The following TMEFF2 variants were observed in gnomAD, a reference collection of about 807,000 sequenced individuals.
The protein encoded by TMEFF2 is tomoregulin-2.
TMEFF2 carries 28 observed loss-of-function variants against 53.8 expected under a neutral mutation model. The observed-to-expected ratio is 0.52, with a 90% CI of 0.39 to 0.71. The LOEUF is 0.71. Ranked by LOEUF, TMEFF2 falls within the 30% of genes least tolerant of loss-of-function variation. The pLI is 0.00. For missense variants in TMEFF2, 353 were observed against 455.2 expected, an observed-to-expected ratio of 0.78 and a Z score of 2.04; for synonymous variants, 162 against 166.3, an observed-to-expected ratio of 0.97 and a Z score of 0.20.
chr2:192,054,151 G>A (rs1224423849), intron 5 of TMEFF2, among the ~76,000 whole-genome samples: 2 of 151,494 alleles, frequency 1.3e-5, no homozygotes, highest in African/African-American at 4.8e-5. Flanking sequence ...GCATCTTGGA[G>A]CTAATCTTGT....
chr2:192,057,696 T>C lies in TMEFF2; in HGVS notation c.519A>G (p.Glu173=). ...DICQFGAECD[E]DAEDVWCVCN... is the part of the protein sequence containing the mutation. ...CATATTACCAGACATCCTCGGCATC[T>C]TCGTCACATTCTGCACCAAACTGGC... The change falls in exon 5 of 10, where the codon GAA becomes GAG. Residue 173 remains glutamate (E), a synonymous_variant. Coordinates refer to ENST00000272771, the MANE Select transcript of TMEFF2 (RefSeq NM_016192.4). 6.2e-7 allele frequency: 1 copy of C among 1,614,020 alleles called. No individual in the cohort carries two copies. Among genetic ancestry groups the C allele is most frequent in the Non-Finnish European group, 8.5e-7 (1 of 1,179,876 alleles).
At chr2:192,063,359 A>G (rs1688093882) in intron 4 of TMEFF2, among the ~76,000 whole-genome samples, 1 of 151,824 alleles carries the variant, frequency 6.6e-6, no homozygotes, top group Non-Finnish European at 1.5e-5. Flanking sequence ...TCAAATGTAT[A>G]TTATTTTTAT....
At chr2:191,977,453 T>A (rs1685756823) in intron 7 of TMEFF2, among the ~76,000 whole-genome samples, 1 of 151,552 alleles carries the variant, frequency 6.6e-6, no homozygotes, top group Non-Finnish European at 1.5e-5. Context: ...CAGTAATGAA[T>A]TTTTTTTAAA....
intron 5 of TMEFF2, among the ~76,000 whole-genome samples, chr2:192,009,651 A>G (rs1686580694): frequency 6.6e-6 from 1 of 152,112 alleles, no homozygotes; most frequent in Non-Finnish European, 1.5e-5. Context: ...CCATGCTATA[A>G]TAAATATCAT....
intron 4 of TMEFF2, among the ~76,000 whole-genome samples, chr2:192,125,211 TTA>T (rs1689648903): frequency 6.6e-6 from 1 of 152,344 alleles, no homozygotes; most frequent in South Asian, 2.1e-4. Context: ...ATTTCCCTTC[TTA>T]TCTTACATCT....
intron 1 of TMEFF2, among the ~76,000 whole-genome samples, chr2:192,193,759 GAT>G (rs780309090): frequency 0.22 from 5,043 of 22,576 alleles, 343 homozygotes; most frequent in East Asian, 0.38. Context: ...GAGATAGATA[GAT>G]AGAGAGAGAG....
At chr2:192,132,646 G>A (rs1437398896) in intron 4 of TMEFF2, among the ~76,000 whole-genome samples, 2 of 152,092 alleles carry the variant, frequency 1.3e-5, no homozygotes, top group African/African-American at 4.8e-5. Context: ...CCAAACGCCT[G>A]AACTGCAGCG....
intron 4 of TMEFF2, among the ~76,000 whole-genome samples, chr2:192,093,080 C>T (rs930261636): frequency 1.3e-5 from 2 of 152,128 alleles, no homozygotes; most frequent in Non-Finnish European, 2.9e-5. Context: ...CTCCAGCTGG[C>T]CTTTGTTGGG....
chr2:192,180,552 T>C (rs1012819016), intron 3 of TMEFF2, among the ~76,000 whole-genome samples: 4 of 151,860 alleles, frequency 2.6e-5, no homozygotes, highest in African/African-American at 9.6e-5. Flanking sequence ...TATTTTAATG[T>C]TAATACAGGG....
rs1302266845 is a variant in TMEFF2, at chr2:192,184,258, AT to A, written c.412+95del. ...ATACGGCTTGTCTAGTCAACATATA[AT>A]CTGAATTATTTATTGGGAGATAACA... On this transcript the variant is annotated intron_variant, in intron 3 of 9. Coordinates refer to ENST00000272771, the MANE Select transcript of TMEFF2 (RefSeq NM_016192.4). 2.7e-6 allele frequency: 4 copies of A among 1,455,830 alleles called. No individual in the cohort carries two copies. In the African/African-American group the frequency reaches 5.6e-5, roughly 20 times the overall value. The allele number at this position is 1,455,830 out of a possible 1,614,324, so 90.2% of individuals were successfully genotyped here. A position where few individuals can be genotyped will look rare whatever the true frequency, so the allele number is the denominator to read the frequency against.
At chr2:191,998,493 G>T (rs1234640744) in intron 6 of TMEFF2, among the ~76,000 whole-genome samples, 172 bp from the exon 7 acceptor site, 2 of 151,884 alleles carry the variant, frequency 1.3e-5, no homozygotes, top group South Asian at 4.2e-4. Context: ...ATTTCTGTCT[G>T]AGAGCAAATA....
rs190538305 is a variant in TMEFF2 at position 192,055,085 on chromosome 2, A to C, written c.536+2594T>G. Among the ~76,000 whole-genome samples, 587 of 152,322 alleles carry C rather than the reference A, an allele frequency of 3.9e-3. 4 individuals are homozygous for C. The highest frequency in any genetic ancestry group is 0.014 in the African/African-American group (569 of 41,574). On this transcript the variant is annotated intron_variant, in intron 5 of 9. Coordinates refer to ENST00000272771, the MANE Select transcript of TMEFF2 (RefSeq NM_016192.4). ...AGAGACTCATGTACATTTTTTAAAA[A>C]GTGAAACAATTTATAAGAAAACAGC...
rs1286291409 is a variant in TMEFF2 at position 192,161,229 on chromosome 2, C to T, written c.439+18439G>A. Among the ~76,000 whole-genome samples the T allele has an allele frequency of 4.6e-5, 7 of 152,044 alleles. 1 individual carries two copies. The highest frequency in any genetic ancestry group is 7.2e-5 in the African/African-American group (3 of 41,404). ...TGTCACCCAGGCTGGAGTACAGTGG[C>T]GTGATCTTGGCTCAGTGCAACCTCC... On this transcript the variant is annotated intron_variant, in intron 4 of 9. Transcript: ENST00000272771.
rs759238306 is a variant in TMEFF2, at chr2:191,950,447, A to AT, written c.1029-41dup. 6 of 1,613,992 alleles carry AT rather than the reference A, an allele frequency of 3.7e-6. No homozygotes were observed. In the East Asian group the frequency reaches 1.3e-4, roughly 36 times the overall value. On this transcript the variant is annotated intron_variant, in intron 9 of 9. Coordinates refer to ENST00000272771, the MANE Select transcript of TMEFF2 (RefSeq NM_016192.4). ...AGTTTACAAATCTCAGTCCAATGCT[A>AT]TTACCTAAAGTTTGGCCCTACAATC...
intron 4 of TMEFF2, among the ~76,000 whole-genome samples, chr2:192,128,998 C>T (rs189783866): frequency 1.3e-5 from 2 of 152,298 alleles, no homozygotes; most frequent in African/African-American, 2.4e-5. Context: ...TTTTCAGTAG[C>T]CACACATTTC....
intron 4 of TMEFF2, among the ~76,000 whole-genome samples, chr2:192,098,642 A>G (rs1165361606): frequency 6.6e-6 from 1 of 152,190 alleles, no homozygotes; most frequent in African/African-American, 2.4e-5. Context: ...TGATAAAAGT[A>G]AAGTTTGAAA....
intron 4 of TMEFF2, among the ~76,000 whole-genome samples, chr2:192,166,237 T>G (rs1322725348): frequency 6.6e-6 from 1 of 152,198 alleles, no homozygotes; most frequent in Non-Finnish European, 1.5e-5. Flanking sequence ...CCTTGTCTTG[T>G]TCTTCTACCT....
intron 4 of TMEFF2, among the ~76,000 whole-genome samples, chr2:192,160,961 C>T (rs1286190831): frequency 6.6e-6 from 1 of 152,108 alleles, no homozygotes; most frequent in Admixed American, 6.5e-5. Flanking sequence ...AGTCATCACT[C>T]TGCCACGCTA....
chr2:192,059,359 C>G (rs1054676193), intron 4 of TMEFF2, among the ~76,000 whole-genome samples: 1 of 151,962 alleles, frequency 6.6e-6, no homozygotes, highest in Admixed American at 6.6e-5. Flanking sequence ...CACTCTATTA[C>G]TTTAATATAG....
Sources: gnomAD v4.1 joint callset for allele counts (sites outside exome capture counted in the v4.1 genomes callset) on GRCh38, gnomAD v4.1.1 for gene constraint, MANE v1.5 for transcripts, NCBI Gene and HGNC (gene_info 2026-07-23, HGNC 2026-07-21) for gene names.